The following SOS2 variants were observed in gnomAD, a reference collection of about 807,000 sequenced individuals.
SOS2 encodes the protein son of sevenless homolog 2.
SOS2 carries 65 observed loss-of-function variants against 148.2 expected under a neutral mutation model. The observed-to-expected ratio is 0.44, with a 90% CI of 0.36 to 0.54. The LOEUF (loss-of-function observed/expected upper bound fraction) is 0.54. SOS2 is among the 20% of genes least tolerant of loss of function. The pLI is 0.00. For missense variants in SOS2, 1,341 were observed against 1,590.2 expected, an observed-to-expected ratio of 0.84 and a Z score of 2.67; for synonymous variants, 539 against 537.1, an observed-to-expected ratio of 1.00 and a Z score of -0.05.
Position 50,231,212 on chromosome 14 carries a change from G to A in SOS2, c.72C>T (p.Val24=), listed in dbSNP as rs1404651405. Residue 24 remains valine (V), a synonymous_variant, in exon 1 of 23, where the codon GTC becomes GTT. Transcript: ENST00000216373. ...TAGCACTGACCTTCCGCAGGGCCGAGACCAACAGTCCCCGCCATTTCGGAC... is the reference window on the plus strand; with the variant it reads ...TAGCACTGACCTTCCGCAGGGCCGAAACCAACAGTCCCCGCCATTTCGGAC... The part of the protein sequence containing the change: ...ENSPKWRGLL[V]SALRKVQEQV... The A allele has an allele frequency of 2.0e-6, 3 of 1,495,990 alleles. No individual in the cohort carries two copies. In the Admixed American group the frequency reaches 5.6e-5, roughly 28 times the overall value. The allele number at this position is 1,495,990 out of a possible 1,614,324, so 92.7% of individuals were successfully genotyped here.
intron 5 of SOS2, among the ~76,000 whole-genome samples, chr14:50,184,219 C>T (rs911901223): frequency 6.6e-5 from 10 of 152,090 alleles, no homozygotes; most frequent in African/African-American, 2.4e-4. Context: ...CCTCTGAACA[C>T]AAACACATCA....
chr14:50,216,672 T>C (rs1595032941), intron 1 of SOS2, among the ~76,000 whole-genome samples: 1 of 151,894 alleles, frequency 6.6e-6, no homozygotes, highest in Non-Finnish European at 1.5e-5. Context: ...GAGGCAGAGG[T>C]TGCAGTGAGC....
At chr14:50,231,801 A>AG (rs1887560958), upstream of SOS2, among the ~76,000 whole-genome samples, 1 of 151,970 alleles carries the variant, frequency 6.6e-6, no homozygotes, top group Admixed American at 6.6e-5. Context: ...ACCGACCCGG[A>AG]GTGCGCGTCG....
intron 1 of SOS2, among the ~76,000 whole-genome samples, chr14:50,224,344 CACACACACACACACACACACAT>C (rs1887298070): frequency 6.8e-6 from 1 of 146,762 alleles, no homozygotes; most frequent in Non-Finnish European, 1.5e-5. Flanking sequence ...CACACACACA[CACACACACACACACACACACAT>C]ATATATAAAT....
At chr14:50,203,020 G>A (rs1566478293) in intron 2 of SOS2, among the ~76,000 whole-genome samples, 1 of 151,596 alleles carries the variant, frequency 6.6e-6, no homozygotes, top group Non-Finnish European at 1.5e-5. Flanking sequence ...TTAGCTGGGC[G>A]CAGTGACACG....
intron 21 of SOS2, among the ~76,000 whole-genome samples, chr14:50,127,893 C>T (rs1390486990): frequency 3.3e-5 from 5 of 152,120 alleles, no homozygotes; most frequent in South Asian, 2.1e-4. Flanking sequence ...GGCAGAAGAC[C>T]GTGGAGGAAA....
intron 11 of SOS2, 88 bp downstream of exon 11, chr14:50,158,475 CTT>C (rs1884888293): frequency 1.6e-5 from 11 of 699,420 alleles, no homozygotes; most frequent in East Asian, 2.7e-5. Flanking sequence ...CAATAATTAA[CTT>C]GAGTATTTAT....
At chr14:50,158,203 G>A (rs939659245) in intron 11 of SOS2, among the ~76,000 whole-genome samples, 1 of 151,690 alleles carries the variant, frequency 6.6e-6, no homozygotes, top group African/African-American at 2.4e-5. Flanking sequence ...TTTAAAAGTG[G>A]AAAGTATTTG....
chr14:50,172,423 T>A (rs914390234), intron 8 of SOS2, among the ~76,000 whole-genome samples: 2 of 132,872 alleles, frequency 1.5e-5, no homozygotes, highest in African/African-American at 5.6e-5. Flanking sequence ...TCATTCCTTT[T>A]TTTTTTTTTT....
chr14:50,145,821 C>T (rs929040829), intron 14 of SOS2, among the ~76,000 whole-genome samples: 1 of 152,192 alleles, frequency 6.6e-6, no homozygotes, highest in African/African-American at 2.4e-5. Flanking sequence ...TCCCATTTTA[C>T]TCATTAGATG....
chr14:50,218,920 C>A (rs1424157055), intron 1 of SOS2, among the ~76,000 whole-genome samples: 2 of 152,056 alleles, frequency 1.3e-5, no homozygotes, highest in African/African-American at 4.8e-5. Context: ...CGAGACCATC[C>A]TGGCCAATAC....
intron 2 of SOS2, 51 bp from the exon 3 acceptor site, chr14:50,201,135 T>C: frequency 1.4e-5 from 22 of 1,563,138 alleles, no homozygotes; most frequent in Non-Finnish European, 1.8e-5. Context: ...TGTTCATAAA[T>C]AGGAAATTCA....
rs1186781976 is a variant in SOS2, at chr14:50,180,586, C to T, written c.955G>A (p.Ala319Thr). ...FNKLMARPAVALHFQSIADGF... is the reference protein window; with the variant it reads ...FNKLMARPAVTLHFQSIADGF... ...TTTAAGTTTACCTGAAAGTGTAGAGCAACTGCAGGTCTGGCCATCAATTTA... is the reference window on the plus strand; with the variant it reads ...TTTAAGTTTACCTGAAAGTGTAGAGTAACTGCAGGTCTGGCCATCAATTTA... Residue 319 changes from alanine (A) to threonine (T), a missense_variant, in exon 7 of 23, where the codon GCT becomes ACT. By Grantham distance (58) the Ala-to-Thr change is moderately conservative (BLOSUM62 0). This residue lies in a region of SOS2 where 574 missense variants were observed against 711.1 expected (regional missense o/e 0.81). Transcript: ENST00000216373. The T allele has an allele frequency of 1.4e-6, 2 of 1,464,268 alleles. No homozygotes were observed. Among genetic ancestry groups the T allele is most frequent in the Non-Finnish European group, 1.9e-6 (2 of 1,078,630 alleles). The allele number at this position is 1,464,268 out of a possible 1,614,324, so 90.7% of individuals were successfully genotyped here.
intron 3 of SOS2, 41 bp downstream of exon 3, chr14:50,200,912 T>C (rs1157843307): frequency 6.3e-7 from 1 of 1,589,190 alleles, no homozygotes; most frequent in South Asian, 1.1e-5. Context: ...TATTACTTGT[T>C]ATAAAGAACA....
At chr14:50,195,471 A>G (rs1483724556) in intron 4 of SOS2, among the ~76,000 whole-genome samples, 1 of 152,170 alleles carries the variant, frequency 6.6e-6, no homozygotes, top group Non-Finnish European at 1.5e-5. Flanking sequence ...TTAAAAAAAA[A>G]TAGTTTATGG....
intron 17 of SOS2, among the ~76,000 whole-genome samples, chr14:50,139,361 C>A (rs1483949274): frequency 6.6e-6 from 1 of 151,958 alleles, no homozygotes; most frequent in Non-Finnish European, 1.5e-5. Flanking sequence ...CAATTTAGTC[C>A]CCCAGGGGAT....
At chr14:50,199,407 T>G (rs897312774) in intron 4 of SOS2, among the ~76,000 whole-genome samples, 2 of 152,130 alleles carry the variant, frequency 1.3e-5, no homozygotes, top group Non-Finnish European at 2.9e-5. Context: ...CTCTATATAT[T>G]CTCTTTCTAA....
chr14:50,229,044 T>C (rs1348367881), intron 1 of SOS2, among the ~76,000 whole-genome samples: 5 of 152,152 alleles, frequency 3.3e-5, no homozygotes, highest in East Asian at 3.9e-4. Flanking sequence ...CCCAAAATGG[T>C]AGAAATTCTC....
At chr14:50,136,062 T>G (rs1222242697) in intron 18 of SOS2, among the ~76,000 whole-genome samples, 2 of 152,166 alleles carry the variant, frequency 1.3e-5, no homozygotes, top group Non-Finnish European at 2.9e-5. Context: ...ATTCTTCCCA[T>G]TTTTAAGGCA....
Sources: gnomAD v4.1 joint callset for allele counts (sites outside exome capture counted in the v4.1 genomes callset) on GRCh38, gnomAD v4.1.1 for gene constraint, gnomAD v4.1.1 regional missense constraint, MANE v1.5 for transcripts, NCBI Gene and HGNC (gene_info 2026-07-23, HGNC 2026-07-21) for gene names.